NXN: variants seen among roughly 807,000 people sequenced by gnomAD.
NXN encodes the protein nucleoredoxin 1.
Under a neutral mutation model 48.6 loss-of-function variants are expected in NXN, and 16 were observed. The ratio of observed to expected loss-of-function variants is 0.33; its 90% CI spans 0.22 to 0.50. NXN has a LOEUF of 0.50. NXN is among the 20% of genes least tolerant of loss of function. NXN has a pLI of 0.98. For missense variants in NXN, 492 were observed against 605.5 expected (o/e 0.81, Z 1.97); for synonymous variants, 281 against 269.6 (o/e 1.04, Z -0.41).
intron 1 of NXN, among the ~76,000 whole-genome samples, chr17:851,237 C>A (rs1460448281): frequency 6.6e-6 from 1 of 152,248 alleles, no homozygotes; most frequent in African/African-American, 2.4e-5. Context: ...GCCCAGCAAG[C>A]CTGAGCTCCG....
At chr17:890,537 G>A (rs1206608476) in intron 1 of NXN, among the ~76,000 whole-genome samples, 2 of 136,890 alleles carry the variant, frequency 1.5e-5, no homozygotes, top group Non-Finnish European at 3.2e-5. Flanking sequence ...AGCACGCCCG[G>A]CTAATTTTTT....
At chr17:933,255 T>A (rs962091354) in intron 1 of NXN, 6 of 152,142 alleles carry the variant, frequency 3.9e-5, no homozygotes, top group African/African-American at 1.2e-4. Flanking sequence ...AAGACAAAGT[T>A]GAGGCCTTTG....
At chr17:841,608 A>ATGG (rs1567828068) in intron 1 of NXN, among the ~76,000 whole-genome samples, 3 of 117,872 alleles carry the variant, frequency 2.5e-5, no homozygotes, top group African/African-American at 1.0e-4. Context: ...CCCCCCGACC[A>ATGG]CAGAGCATCT....
intron 5 of NXN, among the ~76,000 whole-genome samples, chr17:813,698 G>A (rs904726656): frequency 9.2e-5 from 14 of 152,202 alleles, no homozygotes; most frequent in Non-Finnish European, 1.8e-4. Context: ...GCCGGGCGCG[G>A]TGGCTCACGC....
At chr17:979,185 G>A (rs1409837645) in intron 1 of NXN, 134 bp downstream of exon 1, 1 of 278,324 alleles carries the variant, frequency 3.6e-6, no homozygotes, top group South Asian at 3.2e-5. Context: ...GGGACTGGGG[G>A]CAGGGGTCGG....
In NXN at chr17:978,895, G is replaced by A. The variant is rs1202816141; in HGVS notation, c.360+424C>T. Among the ~76,000 whole-genome samples, 1 of 151,408 alleles carries A rather than the reference G, an allele frequency of 6.6e-6. No individual in the cohort carries two copies. On this transcript the variant is annotated intron_variant, in intron 1 of 7. Coordinates refer to ENST00000336868, the MANE Select transcript of NXN (RefSeq NM_022463.5). The surrounding 1 kb of genome is among the most constrained non-coding windows in gnomAD (Gnocchi z 4.1). The stretch of plus-strand genomic sequence containing the variant: ...CCGCGGGGGTCGGCGGCGGAGGCAG[G>A]AAGGGCCTGGCGCCTCTGCTCGCGG...
chr17:906,145 C>T (rs1360848581), intron 1 of NXN, among the ~76,000 whole-genome samples: 1 of 152,120 alleles, frequency 6.6e-6, no homozygotes, highest in Non-Finnish European at 1.5e-5. Context: ...GGGCCTGGTG[C>T]ACTTTATACC....
At chr17:801,263 C>A in intron 7 of NXN, 132 bp from the exon 8 acceptor site, 1 of 589,622 alleles carries the variant, frequency 1.7e-6, no homozygotes, top group Non-Finnish European at 2.5e-6. Flanking sequence ...GCAGAGGGCT[C>A]CCAGCCTGGG....
In NXN at chr17:858,454, G is replaced by A. The variant is rs1051007445; in HGVS notation, c.361-32376C>T. Among the ~76,000 whole-genome samples, 12 of 152,126 alleles carry A rather than the reference G, an allele frequency of 7.9e-5. No homozygotes were observed. The East Asian group carries it at 1.9e-3, about 25-fold the overall frequency. ...TAGAAAACAGCCCTACAGGCTGGGC[G>A]CGGTGGCTCACGCCTGTAATCTCAG... is the stretch of plus-strand genomic sequence containing the variant. On this transcript the variant is annotated intron_variant, in intron 1 of 7. Coordinates refer to ENST00000336868, the MANE Select transcript of NXN (RefSeq NM_022463.5).
chr17:961,955 T>C (rs1264150641), intron 1 of NXN, among the ~76,000 whole-genome samples: 1 of 152,076 alleles, frequency 6.6e-6, no homozygotes, highest in East Asian at 1.9e-4. Flanking sequence ...ACCAACATGG[T>C]GAAACCTCGT....
chr17:936,642 CAGTG>C (rs1227004727), intron 1 of NXN, among the ~76,000 whole-genome samples: 1 of 150,424 alleles, frequency 6.6e-6, no homozygotes, highest in Non-Finnish European at 1.5e-5. Flanking sequence ...GTTGTGCAAA[CAGTG>C]AGGGAAAAAA....
intron 1 of NXN, among the ~76,000 whole-genome samples, chr17:934,877 A>T (rs1457099710): frequency 6.6e-6 from 1 of 152,190 alleles, no homozygotes; most frequent in African/African-American, 2.4e-5. Flanking sequence ...ATCTCAAAAA[A>T]AAGAAAAGAA....
chr17:938,617 G>A (rs1312751738), intron 1 of NXN, among the ~76,000 whole-genome samples: 4 of 152,138 alleles, frequency 2.6e-5, no homozygotes, highest in Non-Finnish European at 5.9e-5. Flanking sequence ...TGGGGAGGCG[G>A]AGGTCGCAGT....
At chr17:929,786 T>C (rs1441453851) in intron 1 of NXN, 1 of 149,220 alleles carries the variant, frequency 6.7e-6, no homozygotes, top group East Asian at 2.0e-4. Flanking sequence ...CTTGCTTCAC[T>C]TCCGTTTTTA....
intron 1 of NXN, among the ~76,000 whole-genome samples, chr17:924,293 A>G (rs12939207): frequency 0.5 from 76,089 of 151,970 alleles, 19,838 homozygotes; most frequent in South Asian, 0.6. Flanking sequence ...CTGGAGTGCA[A>G]TGGCGCGATC....
chr17:973,675 TTTTTA>T (rs1298171014), intron 1 of NXN, among the ~76,000 whole-genome samples: 1 of 152,066 alleles, frequency 6.6e-6, no homozygotes, highest in African/African-American at 2.4e-5. Flanking sequence ...GGGGCAATTT[TTTTTA>T]TTTAATTTTT....
intron 5 of NXN, among the ~76,000 whole-genome samples, chr17:815,919 G>A (rs1224493590): frequency 6.6e-6 from 1 of 152,196 alleles, no homozygotes; most frequent in Non-Finnish European, 1.5e-5. Context: ...AATGTGACCG[G>A]CGGGCCTTTG....
intron 1 of NXN, among the ~76,000 whole-genome samples, chr17:903,763 T>C (rs2068557866): frequency 6.6e-6 from 1 of 152,172 alleles, no homozygotes; most frequent in South Asian, 2.1e-4. Context: ...ATTTTCCAGA[T>C]AGAACACTGA....
chr17:939,758 G>A (rs2068949676), intron 1 of NXN, among the ~76,000 whole-genome samples: 1 of 152,206 alleles, frequency 6.6e-6, no homozygotes, highest in African/African-American at 2.4e-5. Flanking sequence ...AGGCTGCCTT[G>A]TGATGTCGGA....
Sources: gnomAD v4.1 joint callset for allele counts (sites outside exome capture counted in the v4.1 genomes callset) on GRCh38, gnomAD v4.1.1 for gene constraint, Gnocchi (gnomAD v3.1) non-coding constraint, MANE v1.5 for transcripts, NCBI Gene and HGNC (gene_info 2026-07-23, HGNC 2026-07-21) for gene names.